EPM2A: variants seen among roughly 807,000 people sequenced by gnomAD.
EPM2A encodes EPM2A glucan phosphatase, laforin, also known as laforin.
EPM2A carries 21 observed loss-of-function variants against 26.5 expected under a neutral mutation model. The ratio of observed to expected loss-of-function variants is 0.79; its 90% CI spans 0.56 to 1.14. The LOEUF is 1.14. EPM2A is among the 50% of genes most tolerant of loss of function. The pLI, the probability that EPM2A is intolerant of heterozygous loss-of-function variation, is 0.00. For synonymous variants in EPM2A, 217 were observed against 177.6 expected, an observed-to-expected ratio of 1.22 and a Z score of -1.76; for missense variants, 458 against 440.8, an observed-to-expected ratio of 1.04 and a Z score of -0.35.
chr6:145,712,480 CT>C (rs1775390891), intron 1 of EPM2A, among the ~76,000 whole-genome samples: 1 of 152,064 alleles, frequency 6.6e-6, no homozygotes, highest in Non-Finnish European at 1.5e-5. Context: ...TGAAACATGA[CT>C]TTACCAGTAT....
At chr6:145,731,984 T>C (rs559473058) in intron 1 of EPM2A, among the ~76,000 whole-genome samples, 56 of 152,260 alleles carry the variant, frequency 3.7e-4, no homozygotes, top group African/African-American at 1.3e-3. Context: ...AAGACCAGAA[T>C]ACTGTACCAA....
At chr6:145,556,271 A>T in intron 2 of EPM2A, among the ~76,000 whole-genome samples, 1 of 152,248 alleles carries the variant, frequency 6.6e-6, no homozygotes, top group South Asian at 2.1e-4. Flanking sequence ...TCTTCAATTC[A>T]TCTAGTGGGA....
At chr6:145,497,595 C>T (rs1372567628), downstream of EPM2A, among the ~76,000 whole-genome samples, 2 of 47,352 alleles carry the variant, frequency 4.2e-5, no homozygotes, top group South Asian at 1.1e-3. Context: ...GTATTGCTTC[C>T]GTCTGTGGTA....
chr6:145,479,318 T>C (rs1779584048), intron 4 of EPM2A, among the ~76,000 whole-genome samples: 2 of 139,188 alleles, frequency 1.4e-5, no homozygotes, highest in South Asian at 4.4e-4. Context: ...TATATATGTG[T>C]ATATATATAT....
intron 4 of EPM2A, among the ~76,000 whole-genome samples, chr6:145,483,541 C>A (rs1420475324): frequency 6.6e-6 from 1 of 152,044 alleles, no homozygotes; most frequent in Non-Finnish European, 1.5e-5. Flanking sequence ...TATTCTCTTA[C>A]CTAAATGTAA....
At chr6:145,710,648 G>A (rs557162319) in intron 1 of EPM2A, among the ~76,000 whole-genome samples, 85 of 152,088 alleles carry the variant, frequency 5.6e-4, no homozygotes, top group Admixed American at 1.6e-3. Flanking sequence ...TATAAATCAT[G>A]CTGCTATAAA....
intron 2 of EPM2A, among the ~76,000 whole-genome samples, chr6:145,560,953 C>T (rs1456893653): frequency 2.0e-5 from 3 of 151,966 alleles, no homozygotes; most frequent in South Asian, 2.1e-4. Flanking sequence ...AAAACTAGTT[C>T]ATTTAAGAAA....
intron 2 of EPM2A, among the ~76,000 whole-genome samples, chr6:145,539,438 G>A (rs1362919118): frequency 6.6e-6 from 1 of 152,174 alleles, no homozygotes; most frequent in Non-Finnish European, 1.5e-5. Context: ...TGTAGTAGAA[G>A]CTATGACCTT....
chr6:145,518,577 A>G (rs1780160262), intron 2 of EPM2A, among the ~76,000 whole-genome samples: 1 of 141,906 alleles, frequency 7.0e-6, no homozygotes, highest in Non-Finnish European at 1.5e-5. Flanking sequence ...GATCAGTTCC[A>G]GATTGTGTGA....
At chr6:145,404,555 C>A (rs1778541031) in intron 4 of EPM2A, among the ~76,000 whole-genome samples, 1 of 151,974 alleles carries the variant, frequency 6.6e-6, no homozygotes, top group South Asian at 2.1e-4. Context: ...TTGCAGGAAT[C>A]CTGAAGTATT....
At chr6:145,531,419 C>A (rs1218620588) in intron 2 of EPM2A, among the ~76,000 whole-genome samples, 1 of 152,166 alleles carries the variant, frequency 6.6e-6, no homozygotes, top group African/African-American at 2.4e-5. Flanking sequence ...ACTATTGGCA[C>A]AAGCTTCATT....
chr6:145,543,249 C>G (rs1780539386), intron 2 of EPM2A, among the ~76,000 whole-genome samples: 1 of 151,844 alleles, frequency 6.6e-6, no homozygotes, highest in African/African-American at 2.4e-5. Context: ...ATGGCACTTA[C>G]AGTAATCAAT....
intron 2 of EPM2A, among the ~76,000 whole-genome samples, chr6:145,520,127 C>T (rs1388788852): frequency 6.6e-6 from 1 of 152,190 alleles, no homozygotes; most frequent in Non-Finnish European, 1.5e-5. Flanking sequence ...TAAATATAAT[C>T]ATGGCTCATC....
Position 145,627,110 on chromosome 6 carries a change from G to C in EPM2A, c.*306C>G. Reference sequence around the variant, plus strand: ...TCCATCGTGCAACACATACAGTGCTGTAAAGCAAAGGCCTCGTCTGCCTGC... The same window carrying C: ...TCCATCGTGCAACACATACAGTGCTCTAAAGCAAAGGCCTCGTCTGCCTGC... On this transcript the variant is annotated 3_prime_UTR_variant, in exon 4 of 4. Coordinates refer to ENST00000367519, the MANE Select transcript of EPM2A (RefSeq NM_005670.4). 7.7e-7 allele frequency: 1 copy of C among 1,291,170 alleles called. No homozygotes were observed. The highest frequency in any genetic ancestry group is 9.9e-7 in the Non-Finnish European group (1 of 1,009,654). 80.0% of individuals were successfully genotyped at this position (1,291,170 alleles called of 1,614,324 possible). A position where few individuals can be genotyped will look rare whatever the true frequency, so the allele number is the denominator to read the frequency against.
At chr6:145,700,182 T>C (rs1781832863) in intron 1 of EPM2A, among the ~76,000 whole-genome samples, 2 of 152,300 alleles carry the variant, frequency 1.3e-5, no homozygotes, top group South Asian at 2.1e-4. Flanking sequence ...ATCTCTGTAT[T>C]ATTGGAAACA....
intron 4 of EPM2A, among the ~76,000 whole-genome samples, chr6:145,429,005 C>T (rs899572587): frequency 1.3e-5 from 2 of 152,180 alleles, no homozygotes; most frequent in African/African-American, 4.8e-5. Context: ...TAACCAAAAG[C>T]GCCAACTGAG....
chr6:145,443,516 A>G (rs1316506444), intron 4 of EPM2A, among the ~76,000 whole-genome samples: 2 of 151,940 alleles, frequency 1.3e-5, no homozygotes, highest in African/African-American at 2.4e-5. Context: ...TGTGTTCTTG[A>G]TTTGGCTCTC....
intron 2 of EPM2A, chr6:145,641,252 G>A (rs1325339640): frequency 6.6e-6 from 1 of 152,154 alleles, no homozygotes; most frequent in African/African-American, 2.4e-5. Context: ...TGGAGACAGG[G>A]TCTCTACAGA....
chr6:145,705,631 C>T, intron 1 of EPM2A: 1 of 448,950 alleles, frequency 2.2e-6, no homozygotes, highest in East Asian at 7.0e-5. Flanking sequence ...TGGCTAGGGG[C>T]TCTTGTTCAC....
Sources: gnomAD v4.1 joint callset for allele counts (sites outside exome capture counted in the v4.1 genomes callset) on GRCh38, gnomAD v4.1.1 for gene constraint, MANE v1.5 for transcripts, NCBI Gene and HGNC (gene_info 2026-07-23, HGNC 2026-07-21) for gene names.